The following CDH20 variants were observed in gnomAD, a reference collection of about 807,000 sequenced individuals.
CDH20 encodes the protein cadherin-20.
CDH20 carries 29 observed loss-of-function variants against 74.2 expected under a neutral mutation model. The observed-to-expected ratio is 0.39, with a 90% CI of 0.29 to 0.53. The LOEUF (loss-of-function observed/expected upper bound fraction) is 0.53. Among genes scored for constraint, CDH20 ranks in the 20% least tolerant of loss-of-function variants. The pLI, the probability that CDH20 is intolerant of heterozygous loss-of-function variation, is 0.69. For synonymous variants in CDH20, 469 were observed against 405.4 expected (o/e 1.16, Z -1.88); for missense variants, 988 against 1,048.3 (o/e 0.94, Z 0.79).
At chr18:61,423,893 A>G (rs558145932) in intron 1 of CDH20, among the ~76,000 whole-genome samples, 3 of 152,370 alleles carry the variant, frequency 2.0e-5, no homozygotes, top group African/African-American at 7.2e-5. Flanking sequence ...CACAGAGACA[A>G]TGATATCATT....
intron 1 of CDH20, among the ~76,000 whole-genome samples, chr18:61,484,239 G>A (rs998094629): frequency 4.6e-5 from 7 of 152,190 alleles, no homozygotes; most frequent in African/African-American, 1.4e-4. Flanking sequence ...AAATTAGTAG[G>A]CATGTGGAAC....
chr18:61,391,286 C>T (rs946851922), intron 1 of CDH20, among the ~76,000 whole-genome samples: 2 of 151,904 alleles, frequency 1.3e-5, no homozygotes, highest in Admixed American at 1.3e-4. Context: ...ACCTATTAGC[C>T]AGCTAAAATT....
At chr18:61,405,675 T>A (rs1912307399) in intron 1 of CDH20, among the ~76,000 whole-genome samples, 1 of 152,170 alleles carries the variant, frequency 6.6e-6, no homozygotes, top group Admixed American at 6.5e-5. Flanking sequence ...AAAGCAGTGG[T>A]TCTCAAAGTG....
chr18:61,525,218 A>G (rs1205071341), intron 6 of CDH20, among the ~76,000 whole-genome samples: 3 of 152,180 alleles, frequency 2.0e-5, no homozygotes, highest in Admixed American at 6.5e-5. Flanking sequence ...CCAACTTTAT[A>G]CTAAAAAAGA....
chr18:61,349,733 T>C (rs904577713), intron 1 of CDH20, among the ~76,000 whole-genome samples: 33 of 151,524 alleles, frequency 2.2e-4, no homozygotes, highest in African/African-American at 7.8e-4. Context: ...GTATATAAAC[T>C]TCTAAATTGT....
At chr18:61,347,307 TATATATATATATACACACACACAC>T (rs1464900732) in intron 1 of CDH20, among the ~76,000 whole-genome samples, 1 of 84,628 alleles carries the variant, frequency 1.2e-5, no homozygotes, top group African/African-American at 5.5e-5. Context: ...TATATATATA[TATATATATATATACACACACACAC>T]ACACACACAC....
At chr18:61,541,979 T>A (rs2144398324) in intron 9 of CDH20, among the ~76,000 whole-genome samples, 1 of 152,288 alleles carries the variant, frequency 6.6e-6, no homozygotes, top group South Asian at 2.1e-4. Context: ...GCGATTTGTA[T>A]CTTCACTCAC....
At position 61,333,681 on chromosome 18, in the gene CDH20, G is replaced by T. The variant is rs1347566986; in HGVS notation, c.-299G>T. Reference sequence around the variant, plus strand: ...CACTTCTGACAGAGGGGGTAGGGGGGTGGGGGGCGGGGACAGCGCCGCGAG... The same window carrying T: ...CACTTCTGACAGAGGGGGTAGGGGGTTGGGGGGCGGGGACAGCGCCGCGAG... On this transcript the variant is annotated 5_prime_UTR_variant, in exon 1 of 12. Coordinates refer to ENST00000262717, the MANE Select transcript of CDH20 (RefSeq NM_031891.4). 1.4e-5 allele frequency: 2 copies of T among 147,466 alleles called. No individual in the cohort carries two copies. Among genetic ancestry groups the T allele is most frequent in the African/African-American group, 4.9e-5 (2 of 40,590 alleles). 9.1% of individuals were successfully genotyped at this position (147,466 alleles called of 1,614,324 possible). A position where few individuals can be genotyped will look rare whatever the true frequency, so the allele number is the denominator to read the frequency against.
intron 1 of CDH20, among the ~76,000 whole-genome samples, chr18:61,343,825 A>G (rs1910031067): frequency 1.3e-5 from 2 of 152,194 alleles, no homozygotes; most frequent in African/African-American, 2.4e-5. Flanking sequence ...AGGGTCAATG[A>G]GTGGGAAGCA....
chr18:61,478,417 G>A (rs1200925550), intron 1 of CDH20, among the ~76,000 whole-genome samples: 1 of 152,032 alleles, frequency 6.6e-6, no homozygotes, highest in Non-Finnish European at 1.5e-5. Context: ...TCTAATAACT[G>A]TTTAATTCAA....
chr18:61,345,548 G>GTACC (rs1406946630), intron 1 of CDH20, among the ~76,000 whole-genome samples: 4 of 152,120 alleles, frequency 2.6e-5, no homozygotes, highest in Admixed American at 1.3e-4. Context: ...GCTCATTAGG[G>GTACC]TACCATTCCT....
In CDH20 at chr18:61,426,186, A is replaced by AAAAAT. The variant is rs563363804; in HGVS notation, c.-152-64190_-152-64186dup. Among the ~76,000 whole-genome samples the AAAAAT allele has an allele frequency of 3.0e-3, 452 of 152,104 alleles. 2 individuals are homozygous for AAAAAT. Among genetic ancestry groups the AAAAAT allele is most frequent in the Middle Eastern group, 0.01 (3 of 294 alleles). ...AAGTCATTTTACTTCTTCCTTTCCA[A>AAAAAT]AAAATAAAATAAAATAAAATAAAAT... On this transcript the variant is annotated intron_variant, in intron 1 of 11. Transcript: ENST00000262717.
chr18:61,427,793 T>C (rs1913122560), intron 1 of CDH20, among the ~76,000 whole-genome samples: 1 of 152,190 alleles, frequency 6.6e-6, no homozygotes, highest in East Asian at 1.9e-4. Context: ...TCCAGCTCTG[T>C]GGTTCTGAAG....
At chr18:61,441,079 T>C (rs1909015023) in intron 1 of CDH20, among the ~76,000 whole-genome samples, 1 of 152,206 alleles carries the variant, frequency 6.6e-6, no homozygotes, top group African/African-American at 2.4e-5. Flanking sequence ...ATGACTGTTA[T>C]TAATTGTTCT....
At chr18:61,357,530 C>T (rs954127133) in intron 1 of CDH20, among the ~76,000 whole-genome samples, 2 of 152,118 alleles carry the variant, frequency 1.3e-5, no homozygotes, top group African/African-American at 4.8e-5. Context: ...TTTTTGTCCT[C>T]GTGGTTGCAA....
chr18:61,532,851 G>C (rs1273672204), intron 7 of CDH20, among the ~76,000 whole-genome samples: 1 of 152,044 alleles, frequency 6.6e-6, no homozygotes, highest in Admixed American at 6.5e-5. Flanking sequence ...ATATTTCCCA[G>C]TCCCTATTTA....
At chr18:61,537,082 G>A (rs772887513) in intron 8 of CDH20, among the ~76,000 whole-genome samples, 11 of 151,966 alleles carry the variant, frequency 7.2e-5, no homozygotes, top group South Asian at 2.1e-4. Context: ...ATTGATTAAC[G>A]TAATAAACTT....
chr18:61,427,888 G>C (rs1479358357), intron 1 of CDH20, among the ~76,000 whole-genome samples: 2 of 152,128 alleles, frequency 1.3e-5, no homozygotes, highest in Admixed American at 1.3e-4. Context: ...CCTAAATAAA[G>C]CTTCTAAAAC....
At chr18:61,548,212 G>A (rs1263695952) in intron 10 of CDH20, among the ~76,000 whole-genome samples, 1 of 152,184 alleles carries the variant, frequency 6.6e-6, no homozygotes, top group Non-Finnish European at 1.5e-5. Context: ...GAAGTAGCCT[G>A]TATCAAAGCA....
Sources: allele counts gnomAD v4.1 joint callset (sites outside exome capture counted in the v4.1 genomes callset), GRCh38; gene constraint gnomAD v4.1.1; transcripts MANE v1.5; gene names NCBI Gene and HGNC (gene_info 2026-07-23, HGNC 2026-07-21).